Variants in DNAH9 observed in about 807,000 individuals in gnomAD.
DNAH9 encodes the protein DNAH9 variant protein.
DNAH9 carries 345 observed loss-of-function variants against 471.6 expected under a neutral mutation model. That is an observed-to-expected ratio of 0.73 (90% CI 0.67 to 0.80). DNAH9 has a LOEUF of 0.80. DNAH9 is among the 30% of genes least tolerant of loss of function. The pLI is 0.00. For synonymous variants in DNAH9, 2,093 were observed against 2,123.6 expected, an observed-to-expected ratio of 0.99 and a Z score of 0.40; for missense variants, 5,407 against 5,609.2, an observed-to-expected ratio of 0.96 and a Z score of 1.15.
chr17:11,830,310 G>T (rs537948088), intron 48 of DNAH9, among the ~76,000 whole-genome samples: 1 of 152,188 alleles, frequency 6.6e-6, no homozygotes, highest in East Asian at 1.9e-4. Context: ...TAACTCAGGT[G>T]TAGTCATGAG....
chr17:11,669,051 C>T lies in DNAH9; in HGVS notation c.2732-13C>T, dbSNP rs778391170. On this transcript the variant is annotated splice_polypyrimidine_tract_variant and intron_variant, in intron 15 of 68. Coordinates refer to ENST00000262442, the MANE Select transcript of DNAH9 (RefSeq NM_001372.4). ...ACTCTTTGTTTTGTTTGCTTGTTTT[C>T]TGTGTTTTTCAGAGTGTAAGGCAGG... 1 of 1,583,474 alleles carries T rather than the reference C, an allele frequency of 6.3e-7. No individual in the cohort carries two copies. Among genetic ancestry groups the T allele is most frequent in the South Asian group, 1.1e-5 (1 of 88,262 alleles).
intron 61 of DNAH9, among the ~76,000 whole-genome samples, chr17:11,908,047 G>A (rs935205724): frequency 9.2e-5 from 14 of 152,076 alleles, no homozygotes; most frequent in African/African-American, 3.4e-4. Context: ...GCATCACAGG[G>A]CCAAATGCAT....
chr17:11,608,099 GCCTT>G, intron 1 of DNAH9, 26 bp from the exon 2 acceptor site: 1 of 1,519,424 alleles, frequency 6.6e-7, no homozygotes, highest in Non-Finnish European at 8.9e-7. Context: ...TGGAACACCT[GCCTT>G]TCTTTCCTGT....
intron 24 of DNAH9, among the ~76,000 whole-genome samples, 177 bp from the exon 25 acceptor site, chr17:11,704,026 A>G (rs1222478528): frequency 6.6e-6 from 1 of 152,184 alleles, no homozygotes; most frequent in Non-Finnish European, 1.5e-5. Flanking sequence ...TACCGCAACA[A>G]CTTCACACCT....
chr17:11,968,015 C>A (rs1161946161), intron 68 of DNAH9, among the ~76,000 whole-genome samples: 1 of 152,148 alleles, frequency 6.6e-6, no homozygotes, highest in Admixed American at 6.5e-5. Context: ...GTAAACAATT[C>A]AACCATAATA....
chr17:11,692,481 A>C (rs904394773), intron 20 of DNAH9, among the ~76,000 whole-genome samples: 2 of 152,208 alleles, frequency 1.3e-5, no homozygotes, highest in African/African-American at 4.8e-5. Context: ...TACTTTTGAC[A>C]TCAAAGGAGT....
At chr17:11,832,424 G>C (rs987723258) in intron 48 of DNAH9, among the ~76,000 whole-genome samples, 1 of 152,218 alleles carries the variant, frequency 6.6e-6, no homozygotes, top group South Asian at 2.1e-4. Context: ...TGACTGGAGT[G>C]ATTATGCCGC....
chr17:11,853,729 G>A lies in DNAH9; in HGVS notation c.9508-274G>A, dbSNP rs997618196. Reference sequence around the variant, plus strand: ...GCATCCTTGTATTTCTCAGTTGAATGTGAAATAATTGTGTGTTTCTAATGG... The same window carrying A: ...GCATCCTTGTATTTCTCAGTTGAATATGAAATAATTGTGTGTTTCTAATGG... On this transcript the variant is annotated intron_variant, in intron 49 of 68. Transcript: ENST00000262442. 2.6e-5 allele frequency among the ~76,000 whole-genome samples: 4 copies of A among 152,332 alleles called. No individual in the cohort carries two copies. The East Asian group carries it at 7.7e-4, about 29-fold the overall frequency.
At position 11,875,225 on chromosome 17, in the gene DNAH9, T is replaced by G. The variant is rs1567867511; in HGVS notation, c.10478+41T>G. The G allele has an allele frequency of 3.3e-6, 5 of 1,530,468 alleles. No homozygotes were observed. In the African/African-American group the frequency reaches 7.0e-5, roughly 21 times the overall value. The allele number at this position is 1,530,468 out of a possible 1,614,324, so 94.8% of individuals were successfully genotyped here. A position where few individuals can be genotyped will look rare whatever the true frequency, so the allele number is the denominator to read the frequency against. On this transcript the variant is annotated intron_variant, in intron 53 of 68. Transcript: ENST00000262442. ...CAGAAGTTCCCACTTTAGCCATTTG[T>G]GCAGGAAAATGTATAGATCATGAGC...
chr17:11,904,630 CAAAAAAAAAA>C (rs202059757), intron 60 of DNAH9, among the ~76,000 whole-genome samples: 10 of 111,464 alleles, frequency 9.0e-5, no homozygotes, highest in African/African-American at 4.0e-4. Context: ...GACTCCATCT[CAAAAAAAAAA>C]AAAAAAAAAA....
In DNAH9 at chr17:11,772,275, A is replaced by G. The variant is rs1046451925; in HGVS notation, c.7552+2946A>G. 5.9e-5 allele frequency among the ~76,000 whole-genome samples: 9 copies of G among 152,010 alleles called. No homozygotes were observed. The East Asian group carries it at 1.5e-3, about 26-fold the overall frequency. On this transcript the variant is annotated intron_variant, in intron 38 of 68. Transcript: ENST00000262442. ...AAAATTAATAATCTAATAAAATTAA[A>G]CAGAAAAAGTGATTTAATTCTATTA...
Position 11,781,141 on chromosome 17 carries a change from C to A in DNAH9, c.7685C>A (p.Thr2562Asn), listed in dbSNP as rs1303802419. The part of the protein sequence containing the change: ...VDAYGTVQPH[T>N]IIRQHLDYGH... ...GCCTACGGGACGGTGCAGCCCCACA[C>A]CATCATCCGGCAGCATCTGGACTAT... The change falls in exon 39 of 69, where the codon ACC becomes AAC. Residue 2562 changes from threonine (T) to asparagine (N), a missense_variant. Physicochemically the swap from Thr to Asn is moderately conservative, Grantham distance 65 (BLOSUM62 0). Transcript: ENST00000262442. 2.5e-6 allele frequency: 4 copies of A among 1,614,032 alleles called. No individual in the cohort carries two copies. Among genetic ancestry groups the A allele is most frequent in the Non-Finnish European group, 3.4e-6 (4 of 1,180,040 alleles).
chr17:11,659,690 C>A (rs1302948327), intron 14 of DNAH9, among the ~76,000 whole-genome samples: 1 of 152,198 alleles, frequency 6.6e-6, no homozygotes, highest in Non-Finnish European at 1.5e-5. Context: ...ACCTTTCTAT[C>A]CTCACATCCT....
At chr17:11,650,065 T>C (rs1183200338) in intron 12 of DNAH9, among the ~76,000 whole-genome samples, 1 of 152,212 alleles carries the variant, frequency 6.6e-6, no homozygotes, top group Admixed American at 6.5e-5. Context: ...TTCTTTTAAT[T>C]ATTTTCTTTT....
At chr17:11,967,691 C>A (rs1976853222) in intron 68 of DNAH9, among the ~76,000 whole-genome samples, 1 of 152,092 alleles carries the variant, frequency 6.6e-6, no homozygotes. Flanking sequence ...CCAATTATAT[C>A]ATTTCCACAA....
At chr17:11,903,168 G>A (rs879434558) in intron 60 of DNAH9, among the ~76,000 whole-genome samples, 3 of 152,092 alleles carry the variant, frequency 2.0e-5, no homozygotes, top group South Asian at 2.1e-4. Context: ...GTGAAACCCC[G>A]TCTCTACTGA....
At chr17:11,764,745 A>G (rs1967859138) in intron 36 of DNAH9, among the ~76,000 whole-genome samples, 1 of 152,188 alleles carries the variant, frequency 6.6e-6, no homozygotes, top group Non-Finnish European at 1.5e-5. Context: ...GATAAATCTT[A>G]CATCAAATGT....
At position 11,657,128 on chromosome 17, in the gene DNAH9, G is replaced by GT. The variant is rs1433242524; in HGVS notation, c.2595+4127dup. ...ATCAGTAGGCATATGTTTAATGTGTGTAAGTAATAGCCCAGCAGTTTTCAA... is the reference window on the plus strand; with the variant it reads ...ATCAGTAGGCATATGTTTAATGTGTGTTAAGTAATAGCCCAGCAGTTTTCAA... On this transcript the variant is annotated intron_variant, in intron 14 of 68. Coordinates refer to ENST00000262442, the MANE Select transcript of DNAH9 (RefSeq NM_001372.4). 2.6e-5 allele frequency among the ~76,000 whole-genome samples: 4 copies of GT among 152,240 alleles called. No individual in the cohort carries two copies. The South Asian group carries it at 6.2e-4, about 24-fold the overall frequency.
At chr17:11,645,972 C>T (rs755818628) in intron 11 of DNAH9, among the ~76,000 whole-genome samples, 4 of 151,238 alleles carry the variant, frequency 2.6e-5, no homozygotes, top group Non-Finnish European at 4.4e-5. Context: ...CTCCGCCTCC[C>T]GGGTTCACGC....
Sources: allele counts gnomAD v4.1 joint callset (sites outside exome capture counted in the v4.1 genomes callset), GRCh38; gene constraint gnomAD v4.1.1; transcripts MANE v1.5; gene names NCBI Gene and HGNC (gene_info 2026-07-23, HGNC 2026-07-21).